NALF1: variants seen among roughly 807,000 people sequenced by gnomAD.
NALF1 encodes NALCN channel auxiliary factor 1.
Under a neutral mutation model 48.4 loss-of-function variants are expected in NALF1, and 3 were observed. The observed-to-expected ratio is 0.06, with a 90% CI of 0.03 to 0.16. The LOEUF is 0.16. Among genes scored for constraint, NALF1 ranks in the 10% least tolerant of loss-of-function variants. NALF1 has a pLI of 1.00. For synonymous variants in NALF1, 262 were observed against 245.7 expected (o/e 1.07, Z -0.62); for missense variants, 526 against 571.5 (o/e 0.92, Z 0.81).
chr13:107,783,509 T>C (rs1594264059), intron 1 of NALF1, among the ~76,000 whole-genome samples: 1 of 152,180 alleles, frequency 6.6e-6, no homozygotes, highest in East Asian at 1.9e-4. Flanking sequence ...TTCATTTTGT[T>C]CTGTACTAAG....
intron 1 of NALF1, among the ~76,000 whole-genome samples, chr13:107,641,320 G>GT (rs928875119): frequency 6.6e-6 from 1 of 152,110 alleles, no homozygotes; most frequent in Non-Finnish European, 1.5e-5. Flanking sequence ...GATACAAGGA[G>GT]TAAGTTCTAG....
intron 1 of NALF1, among the ~76,000 whole-genome samples, chr13:107,522,751 G>A (rs2139097936): frequency 6.6e-6 from 1 of 151,922 alleles, no homozygotes; most frequent in East Asian, 1.9e-4. Flanking sequence ...TTACAGGTAT[G>A]TGACACCATG....
chr13:107,732,703 C>T (rs1195165592), intron 1 of NALF1, among the ~76,000 whole-genome samples: 2 of 152,176 alleles, frequency 1.3e-5, no homozygotes, highest in African/African-American at 4.8e-5. Flanking sequence ...ATCTGTGAAT[C>T]TCATAGTGAG....
At chr13:107,737,917 T>A (rs1227778369) in intron 1 of NALF1, among the ~76,000 whole-genome samples, 2 of 152,106 alleles carry the variant, frequency 1.3e-5, no homozygotes, top group Admixed American at 6.5e-5. Flanking sequence ...GGCAGAAGGG[T>A]ATTAAAACAT....
At chr13:107,645,626 G>A (rs1005030248) in intron 1 of NALF1, among the ~76,000 whole-genome samples, 19 of 145,790 alleles carry the variant, frequency 1.3e-4, no homozygotes, top group Admixed American at 8.5e-4. Flanking sequence ...ATTCTCCTCT[G>A]CAAGTTATGA....
chr13:107,387,948 T>A (rs548866603), intron 1 of NALF1, among the ~76,000 whole-genome samples: 1 of 152,226 alleles, frequency 6.6e-6, no homozygotes, highest in Non-Finnish European at 1.5e-5. Flanking sequence ...TTCTCACTCA[T>A]TAAAATGTAC....
intron 1 of NALF1, among the ~76,000 whole-genome samples, chr13:107,316,239 A>T (rs936206456): frequency 1.2e-4 from 19 of 152,164 alleles, no homozygotes; most frequent in African/African-American, 4.3e-4. Flanking sequence ...ATCATTTTTT[A>T]TGGCTGCATA....
chr13:107,351,109 T>C (rs1439981093), intron 1 of NALF1, among the ~76,000 whole-genome samples: 1 of 152,232 alleles, frequency 6.6e-6, no homozygotes, highest in Non-Finnish European at 1.5e-5. Context: ...TATGCTGATT[T>C]GGTTTGCATA....
chr13:107,823,816 G>A (rs962920529), intron 1 of NALF1, among the ~76,000 whole-genome samples: 17 of 152,218 alleles, frequency 1.1e-4, no homozygotes, highest in South Asian at 4.1e-4. Flanking sequence ...GTGATACTGG[G>A]CAAGTGATTT....
chr13:107,270,725 A>T (rs912698534), intron 1 of NALF1, among the ~76,000 whole-genome samples: 3 of 151,942 alleles, frequency 2.0e-5, no homozygotes, highest in Non-Finnish European at 4.4e-5. Flanking sequence ...CAGGTTTGTT[A>T]CATATGTATA....
Position 107,168,196 on chromosome 13 carries a change from C to G in NALF1, c.*2301G>C, listed in dbSNP as rs2138759230. 1 of 152,308 alleles carries G rather than the reference C, an allele frequency of 6.6e-6. No homozygotes were observed. Among genetic ancestry groups the G allele is most frequent in the South Asian group, 2.1e-4 (1 of 4,828 alleles). The allele number at this position is 152,308 out of a possible 1,614,324, so 9.4% of individuals were successfully genotyped here. A position where few individuals can be genotyped will look rare whatever the true frequency, so the allele number is the denominator to read the frequency against. On this transcript the variant is annotated 3_prime_UTR_variant, in exon 3 of 3. Transcript: ENST00000375915. The stretch of plus-strand genomic sequence containing the variant: ...CCTTCCTAGCCATTCCCTTAGAGGT[C>G]ATCTGAATAAAATCACCCTGTGAGC...
chr13:107,331,326 AT>A (rs1882464739), intron 1 of NALF1, among the ~76,000 whole-genome samples: 2 of 152,180 alleles, frequency 1.3e-5, no homozygotes, highest in Admixed American at 1.3e-4. Flanking sequence ...CAATTTGTTA[AT>A]AAATAATAGA....
chr13:107,574,720 C>T (rs2138404540), intron 1 of NALF1, among the ~76,000 whole-genome samples: 1 of 152,180 alleles, frequency 6.6e-6, no homozygotes, highest in East Asian at 1.9e-4. Flanking sequence ...ATTCTGCAGA[C>T]TTTTGGTTGA....
Position 107,635,382 on chromosome 13 carries a change from TA to T in NALF1, c.915+230299del, listed in dbSNP as rs564310396. ...GCCAAGCAAAGGGGGAAACACTCCTTAAAAAAAATCAGATCTCTTGAAAACT... is the reference window on the plus strand; with the variant it reads ...GCCAAGCAAAGGGGGAAACACTCCTTAAAAAAATCAGATCTCTTGAAAACT... On this transcript the variant is annotated intron_variant, in intron 1 of 2. Coordinates refer to ENST00000375915, the MANE Select transcript of NALF1 (RefSeq NM_001080396.3). Among the ~76,000 whole-genome samples the T allele has an allele frequency of 5.3e-4, 81 of 151,696 alleles. 1 individual carries two copies. The highest frequency in any genetic ancestry group is 1.1e-3 in the Non-Finnish European group (74 of 67,936).
chr13:107,611,400 A>G (rs1879220896), intron 1 of NALF1, among the ~76,000 whole-genome samples: 1 of 152,242 alleles, frequency 6.6e-6, no homozygotes. Flanking sequence ...GCACATTCAT[A>G]TTCACGATAG....
intron 1 of NALF1, among the ~76,000 whole-genome samples, chr13:107,670,097 G>C (rs1880954982): frequency 6.6e-6 from 1 of 152,058 alleles, no homozygotes; most frequent in Non-Finnish European, 1.5e-5. Context: ...TTTTAGTTCA[G>C]AGTCACATTA....
chr13:107,460,354 C>G (rs909439303), intron 1 of NALF1, among the ~76,000 whole-genome samples: 1 of 152,212 alleles, frequency 6.6e-6, no homozygotes, highest in South Asian at 2.1e-4. Context: ...CTACTCTTTA[C>G]ATAACATCCA....
intron 1 of NALF1, among the ~76,000 whole-genome samples, chr13:107,731,453 T>G (rs2138536028): frequency 6.6e-6 from 1 of 152,132 alleles, no homozygotes; most frequent in East Asian, 1.9e-4. Flanking sequence ...GTTATATAGG[T>G]AAACTTGTAT....
intron 1 of NALF1, among the ~76,000 whole-genome samples, chr13:107,365,217 C>T (rs1044849290): frequency 1.1e-4 from 16 of 151,438 alleles, no homozygotes; most frequent in Non-Finnish European, 7.4e-5. Context: ...GGTGCTCAGG[C>T]GACGTTTGAA....
Sources: allele counts gnomAD v4.1 joint callset (sites outside exome capture counted in the v4.1 genomes callset), GRCh38; gene constraint gnomAD v4.1.1; transcripts MANE v1.5; gene names NCBI Gene and HGNC (gene_info 2026-07-23, HGNC 2026-07-21).